DLC1: variants seen among roughly 807,000 people sequenced by gnomAD.
The protein encoded by DLC1 is DLC1 Rho GTPase activating protein.
A neutral mutation model predicts 140.3 loss-of-function variants in DLC1; 54 were observed. The ratio of observed to expected loss-of-function variants is 0.38; its 90% confidence interval spans 0.31 to 0.48. The LOEUF (loss-of-function observed/expected upper bound fraction) is 0.48. Ranked by LOEUF, DLC1 falls within the 20% of genes least tolerant of loss-of-function variation. The pLI is 0.96. For missense variants in DLC1, 2,536 were observed against 1,907.0 expected (o/e 1.33, Z -6.14); for synonymous variants, 986 against 728.1 (o/e 1.35, Z -5.70).
chr8:13,556,336 C>T (rs145370968), intron 1 of DLC1, among the ~76,000 whole-genome samples: 205 of 152,296 alleles, frequency 1.3e-3, no homozygotes, highest in African/African-American at 4.9e-3. Context: ...AACTTGGCTA[C>T]ATGCTGGAAT....
upstream of DLC1, among the ~76,000 whole-genome samples, chr8:13,515,885 G>T (rs977069618): frequency 6.6e-6 from 1 of 152,184 alleles, no homozygotes; most frequent in Non-Finnish European, 1.5e-5. Flanking sequence ...AAACACAGAG[G>T]AAGCTGAAGT....
intron 5 of DLC1, among the ~76,000 whole-genome samples, chr8:13,120,275 G>A (rs1430237378): frequency 2.7e-5 from 4 of 146,992 alleles, no homozygotes; most frequent in African/African-American, 7.4e-5. Flanking sequence ...CCGGGGAGGC[G>A]GAGGTGGCAG....
chr8:13,496,479 T>C (rs1374340841), intron 2 of DLC1, among the ~76,000 whole-genome samples: 1 of 152,158 alleles, frequency 6.6e-6, no homozygotes, highest in African/African-American at 2.4e-5. Context: ...TCATCCAATG[T>C]AATTGCTGTT....
At chr8:13,585,746 C>G (rs574276970) in intron 1 of DLC1, among the ~76,000 whole-genome samples, 1 of 152,120 alleles carries the variant, frequency 6.6e-6, no homozygotes, top group Non-Finnish European at 1.5e-5. Context: ...ACCCTGATTT[C>G]TTCTTTCACA....
intron 5 of DLC1, among the ~76,000 whole-genome samples, chr8:13,257,499 T>C (rs1830287809): frequency 6.6e-6 from 1 of 150,578 alleles, no homozygotes; most frequent in Admixed American, 6.6e-5. Context: ...TGAATATCAC[T>C]ATAGCTATTG....
chr8:13,358,300 C>T (rs1225588458), intron 4 of DLC1, among the ~76,000 whole-genome samples: 2 of 152,144 alleles, frequency 1.3e-5, no homozygotes, highest in Non-Finnish European at 2.9e-5. Context: ...ACCTGAAGAA[C>T]CACGAAAGCA....
chr8:13,297,125 G>A (rs1240918426), intron 5 of DLC1, among the ~76,000 whole-genome samples: 2 of 150,882 alleles, frequency 1.3e-5, no homozygotes, highest in East Asian at 1.9e-4. Context: ...CTTGATACCT[G>A]AAAGCTAATG....
chr8:13,579,313 C>CTTTT (rs1252390206), intron 1 of DLC1, among the ~76,000 whole-genome samples: 190 of 17,752 alleles, frequency 0.011, 31 homozygotes, highest in Non-Finnish European at 0.015. Context: ...ACAGGTCTGA[C>CTTTT]TTTATATATA....
At chr8:13,557,229 G>A (rs567497777) in intron 1 of DLC1, among the ~76,000 whole-genome samples, 22 of 150,144 alleles carry the variant, frequency 1.5e-4, no homozygotes, top group South Asian at 1.1e-3. Flanking sequence ...TTTTTTATTC[G>A]TACTCTGAAA....
Position 13,305,212 on chromosome 8 carries a change from G to A in DLC1, c.1348+57C>T, listed in dbSNP as rs747487622. On this transcript the variant is annotated intron_variant, in intron 5 of 17. Coordinates refer to ENST00000276297, the MANE Select transcript of DLC1 (RefSeq NM_182643.3). The stretch of plus-strand genomic sequence containing the variant: ...ATATTTAATAAAATGCCTATTTTAA[G>A]GTGAAATTTATTCTAAAATAGATTG... 2.5e-6 allele frequency: 4 copies of A among 1,590,644 alleles called. No individual in the cohort carries two copies. The African/African-American group carries it at 4.1e-5, about 16-fold the overall frequency.
chr8:13,460,178 C>G (rs1272037068), intron 2 of DLC1, among the ~76,000 whole-genome samples: 2 of 152,154 alleles, frequency 1.3e-5, no homozygotes, highest in East Asian at 3.8e-4. Context: ...TGTGTATTGT[C>G]TGTATCATTT....
intron 5 of DLC1, among the ~76,000 whole-genome samples, chr8:13,145,968 A>G (rs1172617275): frequency 6.6e-6 from 1 of 152,096 alleles, no homozygotes; most frequent in Non-Finnish European, 1.5e-5. Flanking sequence ...CATAATGTAT[A>G]TATCATAGTC....
Position 13,086,471 on chromosome 8 carries a change from G to A in DLC1, c.4293-8C>T, listed in dbSNP as rs772701787. On this transcript the variant is annotated splice_region_variant and splice_polypyrimidine_tract_variant and intron_variant, in intron 16 of 17. Coordinates refer to ENST00000276297, the MANE Select transcript of DLC1 (RefSeq NM_182643.3). ...AAATTAGTCCTCCAGGTTCTGTAGA[G>A]ACAAAACCAGAGGCAGAAATGATGG... 9.3e-6 allele frequency: 15 copies of A among 1,604,876 alleles called. No homozygotes were observed. The South Asian group carries it at 1.6e-4, about 17-fold the overall frequency.
chr8:13,364,223 T>G (rs1835376150), intron 4 of DLC1, among the ~76,000 whole-genome samples: 2 of 152,170 alleles, frequency 1.3e-5, no homozygotes, highest in Admixed American at 1.3e-4. Context: ...ACCTTCCTCT[T>G]CAGATCTGCT....
chr8:13,554,069 C>T (rs1326628226), intron 1 of DLC1, among the ~76,000 whole-genome samples: 1 of 151,760 alleles, frequency 6.6e-6, no homozygotes, highest in East Asian at 1.9e-4. Context: ...TTTTTGTTTG[C>T]TTGTTTTGTT....
At chr8:13,467,699 C>T (rs1800003977) in intron 2 of DLC1, among the ~76,000 whole-genome samples, 1 of 152,146 alleles carries the variant, frequency 6.6e-6, no homozygotes, top group Non-Finnish European at 1.5e-5. Context: ...CTACTGCATT[C>T]CAGCCTGGGT....
chr8:13,519,059 G>A (rs952425248), upstream of DLC1, among the ~76,000 whole-genome samples: 1 of 151,964 alleles, frequency 6.6e-6, no homozygotes, highest in African/African-American at 2.4e-5. Context: ...TGTTACATAT[G>A]TATACATGTG....
chr8:13,306,287 T>A (rs1278823928), intron 4 of DLC1, among the ~76,000 whole-genome samples: 1 of 152,182 alleles, frequency 6.6e-6, no homozygotes, highest in Non-Finnish European at 1.5e-5. Context: ...TCCAAGAACT[T>A]AAAGCTTAAC....
intron 1 of DLC1, among the ~76,000 whole-genome samples, chr8:13,603,965 G>T (rs576918452): frequency 3.9e-5 from 6 of 151,950 alleles, no homozygotes; most frequent in African/African-American, 1.4e-4. Context: ...AAAGGTAAAT[G>T]GTGTACTTAA....
Sources: gnomAD v4.1 joint callset for allele counts (sites outside exome capture counted in the v4.1 genomes callset) on GRCh38, gnomAD v4.1.1 for gene constraint, MANE v1.5 for transcripts, NCBI Gene and HGNC (gene_info 2026-07-23, HGNC 2026-07-21) for gene names.